PLOD2: variants seen among roughly 807,000 people sequenced by gnomAD.
PLOD2 encodes lysine hydroxylase 2.
Under a neutral mutation model 101.0 loss-of-function variants are expected in PLOD2, and 65 were observed. The observed-to-expected ratio is 0.64, with a 90% CI of 0.53 to 0.79. The LOEUF (loss-of-function observed/expected upper bound fraction) is 0.79. Among genes scored for constraint, PLOD2 ranks in the 30% least tolerant of loss-of-function variants. PLOD2 has a pLI of 0.00. For synonymous variants in PLOD2, 314 were observed against 302.9 expected (o/e 1.04, Z -0.38); for missense variants, 909 against 914.6 (o/e 0.99, Z 0.08).
chr3:146,119,255 T>C (rs920760670), intron 3 of PLOD2, among the ~76,000 whole-genome samples: 2 of 152,144 alleles, frequency 1.3e-5, no homozygotes, highest in South Asian at 2.1e-4. Flanking sequence ...CCTTCTGCCA[T>C]GATCCTAAGT....
intron 3 of PLOD2, among the ~76,000 whole-genome samples, chr3:146,114,817 T>G (rs964027279): frequency 6.6e-6 from 1 of 152,082 alleles, no homozygotes; most frequent in African/African-American, 2.4e-5. Context: ...TCACAGAGGA[T>G]TCCCATATGA....
intron 6 of PLOD2, among the ~76,000 whole-genome samples, chr3:146,103,971 A>C (rs2108056779): frequency 6.6e-6 from 1 of 152,274 alleles, no homozygotes; most frequent in East Asian, 1.9e-4. Flanking sequence ...GAATTTCACT[A>C]GAAAATGTGT....
intron 2 of PLOD2, chr3:146,123,248 G>A: frequency 9.5e-7 from 1 of 1,050,866 alleles, no homozygotes; most frequent in Non-Finnish European, 1.2e-6. Flanking sequence ...AAAGTTTTTT[G>A]CTTTTTGTGT....
chr3:146,072,506 G>A (rs148735874), intron 17 of PLOD2, 55 bp downstream of exon 17: 40 of 1,048,866 alleles, frequency 3.8e-5, no homozygotes, highest in Non-Finnish European at 5.1e-5. Flanking sequence ...AATTCTCTGA[G>A]TATCTACTTA....
chr3:146,119,621 T>C (rs182879333), intron 3 of PLOD2, among the ~76,000 whole-genome samples: 24 of 151,720 alleles, frequency 1.6e-4, no homozygotes, highest in Middle Eastern at 3.4e-3. Context: ...GGCCCCCGTG[T>C]GTGATGTTCC....
rs569553122 is a variant in PLOD2 at position 146,111,089 on chromosome 3, T to C, written c.339-641A>G. Among the ~76,000 whole-genome samples, 3 of 152,292 alleles carry C rather than the reference T, an allele frequency of 2.0e-5. No homozygotes were observed. The East Asian group carries it at 5.8e-4, about 29-fold the overall frequency. On this transcript the variant is annotated intron_variant, in intron 3 of 19. Coordinates refer to ENST00000282903, the MANE Select transcript of PLOD2 (RefSeq NM_182943.3). ...ATTTAATTAATATAATATAATTTCA[T>C]TGATTTTTCTGATGACTTTCTTCCT...
At chr3:146,126,630 G>A (rs2030579104) in intron 1 of PLOD2, among the ~76,000 whole-genome samples, 1 of 152,060 alleles carries the variant, frequency 6.6e-6, no homozygotes, top group Admixed American at 6.6e-5. Flanking sequence ...ACAGAAAAGG[G>A]AAGGGAAATA....
At chr3:146,134,397 T>C (rs1342442267) in intron 1 of PLOD2, among the ~76,000 whole-genome samples, 2 of 152,198 alleles carry the variant, frequency 1.3e-5, no homozygotes, top group Admixed American at 1.3e-4. Flanking sequence ...ATAATTTTAA[T>C]GTCAAAGGAA....
At chr3:146,156,310 C>T (rs1015546072) in intron 1 of PLOD2, among the ~76,000 whole-genome samples, 1 of 152,164 alleles carries the variant, frequency 6.6e-6, no homozygotes, top group African/African-American at 2.4e-5. Flanking sequence ...AGGCAAGGTT[C>T]GGCAAAGTTT....
chr3:146,072,225 G>A (rs904061678), intron 17 of PLOD2, among the ~76,000 whole-genome samples: 6 of 151,306 alleles, frequency 4.0e-5, no homozygotes, highest in East Asian at 1.9e-4. Context: ...CTGTGAAAAC[G>A]CAAGGAATAA....
In PLOD2 at chr3:146,084,475, C is replaced by T. The variant is rs142634814; in HGVS notation, c.1232+694G>A. Among the ~76,000 whole-genome samples, 1,063 of 152,096 alleles carry T rather than the reference C, an allele frequency of 7.0e-3. 7 individuals carry two copies. The highest frequency in any genetic ancestry group is 0.012 in the Non-Finnish European group (814 of 67,946). On this transcript the variant is annotated intron_variant, in intron 11 of 19. Coordinates refer to ENST00000282903, the MANE Select transcript of PLOD2 (RefSeq NM_182943.3). ...AAAAACAATCATTCTAACATTTCAC[C>T]CGCTAAACATTCTATTTATTATGAG...
intron 12 of PLOD2, among the ~76,000 whole-genome samples, chr3:146,079,572 G>A (rs987919050): frequency 4.0e-5 from 6 of 151,872 alleles, no homozygotes; most frequent in African/African-American, 1.2e-4. Flanking sequence ...TGTATAGACG[G>A]TGTTTCTATT....
intron 17 of PLOD2, among the ~76,000 whole-genome samples, chr3:146,071,965 C>G (rs1238219239): frequency 6.6e-6 from 1 of 151,708 alleles, no homozygotes; most frequent in Non-Finnish European, 1.5e-5. Flanking sequence ...CAGCTCATTA[C>G]CTGGGGGACA....
At chr3:146,115,300 G>A (rs1157677349) in intron 3 of PLOD2, among the ~76,000 whole-genome samples, 1 of 152,120 alleles carries the variant, frequency 6.6e-6, no homozygotes, top group Non-Finnish European at 1.5e-5. Flanking sequence ...AAGTATGCCT[G>A]GGTCCTGAAA....
chr3:146,079,208 T>C lies in PLOD2; in HGVS notation c.1408A>G (p.Lys470Glu), dbSNP rs780239276. Residue 470 changes from lysine (K) to glutamate (E), a missense_variant, in exon 13 of 20, where the codon AAG (lysine) becomes GAG (glutamate). Lys to Glu is a moderately conservative substitution (Grantham distance 56). Coordinates refer to ENST00000282903, the MANE Select transcript of PLOD2 (RefSeq NM_182943.3). ...TCATTCATCTCTGATCGGAGTGTCT[T>C]TCCTTTAATTAAGTACACATTAGCC... ...YMANVYLIKG[K>E]TLRSEMNERN... The C allele has an allele frequency of 6.2e-7, 1 of 1,610,528 alleles. No homozygotes were observed. Among genetic ancestry groups the C allele is most frequent in the Non-Finnish European group, 8.5e-7 (1 of 1,177,020 alleles).
Position 146,160,896 on chromosome 3 carries a change from A to T in PLOD2, c.94T>A (p.Ser32Thr). 1.9e-6 allele frequency: 3 copies of T among 1,582,868 alleles called. No homozygotes were observed. The highest frequency in any genetic ancestry group is 2.6e-6 in the Non-Finnish European group (3 of 1,163,756). Reference sequence around the variant, plus strand: ...GGGTGCTCACCTGTGGGGATGCTCGAGGGCTTCTCCGAGTCCGCACCCAGA... The same window carrying T: ...GGGTGCTCACCTGTGGGGATGCTCGTGGGCTTCTCCGAGTCCGCACCCAGA... ...PCLGADSEKPSSIPTDKLLVI... is the reference protein window; with the variant it reads ...PCLGADSEKPTSIPTDKLLVI... Residue 32 changes from serine to threonine, a missense_variant, in exon 1 of 20, where the codon TCG becomes ACG. Transcript: ENST00000282903.
At chr3:146,105,182 A>T (rs1937515778) in intron 5 of PLOD2, 1 of 152,232 alleles carries the variant, frequency 6.6e-6, no homozygotes. Flanking sequence ...AAAAACTTAA[A>T]TAAAACATAT....
At chr3:146,098,376 A>G (rs1391128861) in intron 7 of PLOD2, among the ~76,000 whole-genome samples, 1 of 152,192 alleles carries the variant, frequency 6.6e-6, no homozygotes, top group African/African-American at 2.4e-5. Flanking sequence ...CTATCTAAAA[A>G]TTGATTCATA....
At chr3:146,075,128 C>CCT (rs1936284910) in intron 15 of PLOD2, among the ~76,000 whole-genome samples, 1 of 151,462 alleles carries the variant, frequency 6.6e-6, no homozygotes, top group African/African-American at 2.4e-5. Context: ...CTAGAAAACA[C>CCT]CTCTTTTCAG....
Sources: gnomAD v4.1 joint callset for allele counts (sites outside exome capture counted in the v4.1 genomes callset) on GRCh38, gnomAD v4.1.1 for gene constraint, MANE v1.5 for transcripts, NCBI Gene and HGNC (gene_info 2026-07-23, HGNC 2026-07-21) for gene names.